SNX29: variants seen among roughly 807,000 people sequenced by gnomAD.
SNX29 encodes sorting nexin-29.
Under a neutral mutation model 102.1 loss-of-function variants are expected in SNX29, and 78 were observed. The ratio of observed to expected loss-of-function variants is 0.76; its 90% confidence interval spans 0.64 to 0.92. SNX29 has a LOEUF of 0.92. Ranked by LOEUF, SNX29 falls within the 40% of genes least tolerant of loss-of-function variation. The pLI, the probability that SNX29 is intolerant of heterozygous loss-of-function variation, is 0.00. For synonymous variants in SNX29, 580 were observed against 414.5 expected (o/e 1.40, Z -4.85); for missense variants, 1,280 against 1,061.7 (o/e 1.21, Z -2.86).
At chr16:12,162,378 T>G (rs1053918415) in intron 13 of SNX29, among the ~76,000 whole-genome samples, 4 of 152,294 alleles carry the variant, frequency 2.6e-5, no homozygotes, top group East Asian at 3.9e-4. Context: ...ATCCACACCC[T>G]CCTAAGTAGA....
intron 18 of SNX29, among the ~76,000 whole-genome samples, chr16:12,410,756 A>G (rs971922169): frequency 3.3e-5 from 5 of 152,172 alleles, no homozygotes; most frequent in African/African-American, 4.8e-5. Context: ...TAAAGGTTTA[A>G]TCCAGCTAAG....
intron 14 of SNX29, among the ~76,000 whole-genome samples, chr16:12,239,346 G>C (rs901608854): frequency 6.6e-6 from 1 of 152,084 alleles, no homozygotes; most frequent in African/African-American, 2.4e-5. Flanking sequence ...GGATTTGGCT[G>C]ATGAGCAGAG....
At chr16:12,563,115 C>A (rs531541848) in intron 20 of SNX29, among the ~76,000 whole-genome samples, 9 of 151,914 alleles carry the variant, frequency 5.9e-5, no homozygotes, top group African/African-American at 2.2e-4. Context: ...AACAACAGAG[C>A]CTAGGAAAGG....
chr16:12,256,390 A>G (rs1244031315), intron 14 of SNX29, among the ~76,000 whole-genome samples: 4 of 152,110 alleles, frequency 2.6e-5, no homozygotes, highest in Admixed American at 2.6e-4. Context: ...TCTGTCATGC[A>G]GATCTTGGCT....
At chr16:12,164,357 A>T (rs1170615126) in intron 13 of SNX29, among the ~76,000 whole-genome samples, 2 of 152,212 alleles carry the variant, frequency 1.3e-5, no homozygotes, top group Non-Finnish European at 2.9e-5. Flanking sequence ...ATGCTGGTTT[A>T]AGAAAACCCG....
chr16:12,318,222 G>C (rs2080815636), intron 15 of SNX29, among the ~76,000 whole-genome samples: 1 of 152,236 alleles, frequency 6.6e-6, no homozygotes, highest in South Asian at 2.1e-4. Context: ...CTGGGAGCCT[G>C]CATGTTCTTG....
chr16:12,210,290 CGT>C (rs569599008), intron 14 of SNX29, among the ~76,000 whole-genome samples: 37 of 149,560 alleles, frequency 2.5e-4, no homozygotes, highest in African/African-American at 9.1e-4. Flanking sequence ...TGGGGCTCCT[CGT>C]TTTGCACTCA....
Position 12,571,159 on chromosome 16 carries a change from C to A in SNX29, c.*2530C>A, listed in dbSNP as rs1258559547. On this transcript the variant is annotated 3_prime_UTR_variant, in exon 21 of 21. Transcript: ENST00000566228. ...GGTCCATCTTGCTGCTCAGAAGAAT[C>A]CCGTCCTGCTCTCTAGTGTGGTGGG... The A allele has an allele frequency of 4.3e-6, 1 of 232,596 alleles. No homozygotes were observed. Among genetic ancestry groups the A allele is most frequent in the African/African-American group, 2.2e-5 (1 of 45,306 alleles). 14.4% of individuals were successfully genotyped at this position (232,596 alleles called of 1,614,324 possible). A position where few individuals can be genotyped will look rare whatever the true frequency, so the allele number is the denominator to read the frequency against.
intron 15 of SNX29, among the ~76,000 whole-genome samples, chr16:12,301,618 C>T (rs114092403): frequency 1.3e-3 from 202 of 152,328 alleles, no homozygotes; most frequent in African/African-American, 4.5e-3. Flanking sequence ...TTCTCGATTA[C>T]GTCGTTGTTG....
chr16:11,996,224 A>G (rs1292317768), intron 1 of SNX29, among the ~76,000 whole-genome samples: 1 of 152,114 alleles, frequency 6.6e-6, no homozygotes, highest in Non-Finnish European at 1.5e-5. Context: ...TAAAAAATAA[A>G]AATAAATAAA....
At chr16:12,218,264 A>T (rs2142089669) in intron 14 of SNX29, among the ~76,000 whole-genome samples, 1 of 152,350 alleles carries the variant, frequency 6.6e-6, no homozygotes, top group South Asian at 2.1e-4. Flanking sequence ...TACGTAAAGA[A>T]GTTAATCTCT....
At chr16:12,388,017 C>G (rs2083394943) in intron 16 of SNX29, among the ~76,000 whole-genome samples, 1 of 152,228 alleles carries the variant, frequency 6.6e-6, no homozygotes, top group Non-Finnish European at 1.5e-5. Context: ...TAAAAATACA[C>G]TCCATGCGTG....
chr16:12,297,572 C>A (rs1045298838), intron 15 of SNX29, among the ~76,000 whole-genome samples: 4 of 152,036 alleles, frequency 2.6e-5, no homozygotes, highest in African/African-American at 9.7e-5. Flanking sequence ...GTCCTCAGCA[C>A]CCCCTGTTGT....
At chr16:12,049,164 C>G (rs1453574577) in intron 7 of SNX29, among the ~76,000 whole-genome samples, 1 of 152,096 alleles carries the variant, frequency 6.6e-6, no homozygotes, top group African/African-American at 2.4e-5. Flanking sequence ...GAGGAGTTGT[C>G]AGGTTTGACT....
intron 16 of SNX29, among the ~76,000 whole-genome samples, chr16:12,360,431 C>T (rs543301273): frequency 2.8e-4 from 43 of 152,276 alleles, no homozygotes; most frequent in African/African-American, 8.9e-4. Context: ...TGTCATGTTC[C>T]TCTGTCCCTT....
At chr16:12,132,168 GGCT>G (rs2054494216) in intron 13 of SNX29, among the ~76,000 whole-genome samples, 3 of 150,574 alleles carry the variant, frequency 2.0e-5, no homozygotes, top group African/African-American at 7.3e-5. Context: ...GCATGATCTC[GGCT>G]CACTGCAACC....
rs934028773 is a variant in SNX29 at position 12,002,858 on chromosome 16, C to T, written c.70-133C>T. 26 of 896,786 alleles carry T rather than the reference C, an allele frequency of 2.9e-5. No homozygotes were observed. The African/African-American group carries it at 3.0e-4, about 10-fold the overall frequency. 55.6% of individuals were successfully genotyped at this position (896,786 alleles called of 1,614,324 possible). ...TGTGCTGATACCCAGGGGACAGGGA[C>T]GTCCTCACTTGGCATGCAGAGCTTC... On this transcript the variant is annotated intron_variant, in intron 2 of 20. Transcript: ENST00000566228.
rs564290920 is a variant in SNX29, at chr16:12,570,707, C to G, written c.*2078C>G. ...TTTTCTGACACCTGCCCCCAAAGCA[C>G]AGGATGTGAATTGGTCTCTCTCCAG... On this transcript the variant is annotated 3_prime_UTR_variant, in exon 21 of 21. Transcript: ENST00000566228. 2 of 231,996 alleles carry G rather than the reference C, an allele frequency of 8.6e-6. No individual in the cohort carries two copies. The allele number at this position is 231,996 out of a possible 1,614,324, so 14.4% of individuals were successfully genotyped here.
At chr16:12,306,304 A>C (rs77871611) in intron 15 of SNX29, among the ~76,000 whole-genome samples, 3,700 of 152,022 alleles carry the variant, frequency 0.024, 72 homozygotes, top group East Asian at 0.13. Flanking sequence ...TGGTGATGCC[A>C]ACTGCATATG....
Sources: gnomAD v4.1 joint callset for allele counts (sites outside exome capture counted in the v4.1 genomes callset) on GRCh38, gnomAD v4.1.1 for gene constraint, MANE v1.5 for transcripts, NCBI Gene and HGNC (gene_info 2026-07-23, HGNC 2026-07-21) for gene names.